The following ZNF569 variants were observed in gnomAD, a reference collection of about 807,000 sequenced individuals.
ZNF569 encodes DNA-binding protein.
In ZNF569, 38 loss-of-function variants were observed where a neutral mutation model predicts 56.3. The observed-to-expected ratio is 0.68, with a 90% confidence interval of 0.52 to 0.88. The LOEUF (loss-of-function observed/expected upper bound fraction) is 0.88. Ranked by LOEUF, ZNF569 falls within the 40% of genes least tolerant of loss-of-function variation. The pLI is 0.00. For missense variants in ZNF569, 666 were observed against 809.2 expected (o/e 0.82, Z 2.15); for synonymous variants, 241 against 262.9 (o/e 0.92, Z 0.81).
chr19:37,468,121 G>C (rs1458460334), upstream of ZNF569: 1 of 614,010 alleles, frequency 1.6e-6, no homozygotes, highest in African/African-American at 2.0e-5. Context: ...GCCTCACTTT[G>C]TTGCCCAGGC....
At chr19:37,462,547 T>C (rs532614665) in intron 2 of ZNF569, among the ~76,000 whole-genome samples, 1 of 152,346 alleles carries the variant, frequency 6.6e-6, no homozygotes. Context: ...GAATTTCATG[T>C]TGCCAAATTC....
At chr19:37,449,637 G>A (rs941193685) in intron 2 of ZNF569, among the ~76,000 whole-genome samples, 5 of 146,398 alleles carry the variant, frequency 3.4e-5, no homozygotes, top group Non-Finnish European at 7.5e-5. Flanking sequence ...TAATATTAAA[G>A]TTGCTTCCTC....
At chr19:37,452,690 C>T (rs1363092144) in intron 2 of ZNF569, among the ~76,000 whole-genome samples, 4 of 152,070 alleles carry the variant, frequency 2.6e-5, no homozygotes, top group African/African-American at 9.7e-5. Flanking sequence ...CCTTAATAGT[C>T]CTATAGATGT....
chr19:37,466,367 C>T (rs1183426930), intron 1 of ZNF569, among the ~76,000 whole-genome samples: 3 of 152,140 alleles, frequency 2.0e-5, no homozygotes, highest in African/African-American at 7.2e-5. Flanking sequence ...CGGTGGCTTA[C>T]GACTGTAATC....
At chr19:37,457,489 C>T (rs1037927795) in intron 2 of ZNF569, among the ~76,000 whole-genome samples, 2 of 151,972 alleles carry the variant, frequency 1.3e-5, no homozygotes, top group Non-Finnish European at 2.9e-5. Flanking sequence ...ACAAAATAAC[C>T]ATGGAATACT....
At chr19:37,422,911 A>G (rs545469808) in intron 5 of ZNF569, among the ~76,000 whole-genome samples, 3 of 152,192 alleles carry the variant, frequency 2.0e-5, no homozygotes, top group Non-Finnish European at 2.9e-5. Flanking sequence ...ATACCTCTCT[A>G]CCCACCTATC....
chr19:37,459,121 AAG>A (rs2041718834), intron 2 of ZNF569, among the ~76,000 whole-genome samples: 1 of 152,150 alleles, frequency 6.6e-6, no homozygotes, highest in Non-Finnish European at 1.5e-5. Context: ...AAGGAGAAAA[AAG>A]AGAACACAGA....
chr19:37,458,219 T>C (rs896169553), intron 2 of ZNF569, among the ~76,000 whole-genome samples: 1 of 152,190 alleles, frequency 6.6e-6, no homozygotes. Context: ...GTGTATTTTA[T>C]TTTAGATTCA....
intron 3 of ZNF569, among the ~76,000 whole-genome samples, chr19:37,439,445 C>T (rs986730740): frequency 1.3e-5 from 2 of 152,186 alleles, no homozygotes; most frequent in African/African-American, 4.8e-5. Flanking sequence ...AACCCTCATA[C>T]ACTGTTGGTG....
chr19:37,458,901 C>T (rs549170956), intron 2 of ZNF569, among the ~76,000 whole-genome samples: 18 of 152,240 alleles, frequency 1.2e-4, no homozygotes, highest in Non-Finnish European at 2.4e-4. Context: ...CTTCAATGGA[C>T]TCATCAACAA....
rs531837468 is a variant in ZNF569, at chr19:37,412,843, G to C, written c.1815C>G (p.Pro605=). Residue 605 remains proline (P), a synonymous_variant, in exon 6 of 6, where the codon CCC becomes CCG. Transcript: ENST00000316950. ...CTTTTCCACATTTATTACATTCATAGGGTTTTTCACCTGTATGGCCTCTCA... is the reference window on the plus strand; with the variant it reads ...CTTTTCCACATTTATTACATTCATACGGTTTTTCACCTGTATGGCCTCTCA... ...VHMRGHTGEK[P]YECNKCGKAF... is the part of the protein sequence containing the mutation. 16 of 1,613,932 alleles carry C rather than the reference G, an allele frequency of 9.9e-6. No homozygotes were observed. In the African/African-American group the frequency reaches 1.7e-4, roughly 17 times the overall value.
rs1476685180 is a variant in ZNF569, at chr19:37,418,134, T to TAATAATAATAAA, written c.239-3716_239-3715insTTTATTATTATT. Among the ~76,000 whole-genome samples the TAATAATAATAAA allele has an allele frequency of 2.8e-3, 380 of 137,700 alleles. 2 individuals are homozygous for TAATAATAATAAA. The highest frequency in any genetic ancestry group is 9.3e-3 in the African/African-American group (362 of 38,890). 90.3% of individuals were successfully genotyped at this position (137,700 alleles called of 152,430 possible). A position where few individuals can be genotyped will look rare whatever the true frequency, so the allele number is the denominator to read the frequency against. On this transcript the variant is annotated intron_variant, in intron 5 of 5. Transcript: ENST00000316950. ...ATAATAATAATAATAATAATAATAATAAAATAAAGTTCTGTTCTATGAGTA... is the reference window on the plus strand; with the variant it reads ...ATAATAATAATAATAATAATAATAATAATAATAATAAAAAAATAAAGTTCTGTTCTATGAGTA...
chr19:37,422,264 A>ATTGTTGTG (rs2041051195), intron 5 of ZNF569, among the ~76,000 whole-genome samples: 1 of 152,112 alleles, frequency 6.6e-6, no homozygotes, highest in African/African-American at 2.4e-5. Context: ...TAATTTCAAT[A>ATTGTTGTG]TTGTTGTGTT....
At chr19:37,466,083 T>G (rs1236329691) in intron 1 of ZNF569, among the ~76,000 whole-genome samples, 1 of 152,176 alleles carries the variant, frequency 6.6e-6, no homozygotes, top group African/African-American at 2.4e-5. Flanking sequence ...TACGTATGTA[T>G]ACACAAAGGC....
intron 3 of ZNF569, among the ~76,000 whole-genome samples, chr19:37,435,563 GCAAA>G (rs983623858): frequency 6.6e-6 from 1 of 151,872 alleles, no homozygotes; most frequent in Non-Finnish European, 1.5e-5. Flanking sequence ...ATAAAAACAA[GCAAA>G]CAAACAAACA....
rs2040924540 is a variant in ZNF569, at chr19:37,416,002, G to A, written c.239-1583C>T. 1.3e-5 allele frequency among the ~76,000 whole-genome samples: 2 copies of A among 151,970 alleles called. 1 individual carries two copies. Among genetic ancestry groups the A allele is most frequent in the South Asian group, 4.1e-4 (2 of 4,830 alleles). On this transcript the variant is annotated intron_variant, in intron 5 of 5. Coordinates refer to ENST00000316950, the MANE Select transcript of ZNF569 (RefSeq NM_152484.3). ...AATCCTAGCACTTTGGGAGGCTGAG[G>A]CAAACAGATCTCTTGAGCTCAGGAG...
intron 3 of ZNF569, chr19:37,427,847 AC>A (rs746190611): frequency 2.9e-5 from 15 of 513,604 alleles, no homozygotes; most frequent in Non-Finnish European, 5.4e-5. Flanking sequence ...AGGAAGTGGG[AC>A]TGAGGAGAAA....
intron 2 of ZNF569, among the ~76,000 whole-genome samples, chr19:37,464,395 TAGCC>T (rs1377078339): frequency 6.6e-6 from 1 of 152,202 alleles, no homozygotes; most frequent in Non-Finnish European, 1.5e-5. Flanking sequence ...TTCACCGTGT[TAGCC>T]AGGATGGTCT....
At chr19:37,466,198 TCCACTCC>T (rs1289577290) in intron 1 of ZNF569, among the ~76,000 whole-genome samples, 2 of 152,234 alleles carry the variant, frequency 1.3e-5, no homozygotes, top group African/African-American at 4.8e-5. Flanking sequence ...TCCACCCCAC[TCCACTCC>T]CCAAATGGGG....
Sources: gnomAD v4.1 joint callset for allele counts (sites outside exome capture counted in the v4.1 genomes callset) on GRCh38, gnomAD v4.1.1 for gene constraint, MANE v1.5 for transcripts, NCBI Gene and HGNC (gene_info 2026-07-23, HGNC 2026-07-21) for gene names.